Variants in GABRA3 observed in about 807,000 individuals in gnomAD.
The protein encoded by GABRA3 is gamma-aminobutyric acid type A receptor subunit alpha3, also known as gamma-aminobutyric acid receptor subunit alpha-3.
In GABRA3, 10 loss-of-function variants were observed where a neutral mutation model predicts 30.1. The observed-to-expected ratio is 0.33, with a 90% CI of 0.20 to 0.56. The LOEUF is 0.56. Ranked by LOEUF, GABRA3 falls within the 20% of genes least tolerant of loss-of-function variation. The pLI is 0.89. For synonymous variants in GABRA3, 151 were observed against 146.8 expected, an observed-to-expected ratio of 1.03 and a Z score of -0.21; for missense variants, 233 against 392.0, an observed-to-expected ratio of 0.59 and a Z score of 3.42.
intron 8 of GABRA3, among the ~76,000 whole-genome samples, chrX:152,190,521 C>CT (rs373150306): frequency 1.0e-4 from 11 of 106,785 alleles, no homozygotes; most frequent in South Asian, 4.0e-4. Context: ...TTTCTTTTTT[C>CT]TTTTTTTTTC....
At chrX:152,404,220 GT>G (rs971706793) in intron 1 of GABRA3, among the ~76,000 whole-genome samples, 1 of 111,446 alleles carries the variant, frequency 9.0e-6, no homozygotes, top group Non-Finnish European at 1.9e-5. Context: ...TTCCTCTCAA[GT>G]TTTTACAATT....
In GABRA3 at chrX:152,368,708, T is replaced by C. The variant is rs1487589593; in HGVS notation, c.-26-4112A>G. ...CTATTTTTAATTTTTTTTCTTTTTTTTTTTTTTTTTTTTTTGAGACAGAGT... is the reference window on the plus strand; with the variant it reads ...CTATTTTTAATTTTTTTTCTTTTTTCTTTTTTTTTTTTTTTGAGACAGAGT... On this transcript the variant is annotated intron_variant, in intron 1 of 9. Transcript: ENST00000370314. Among the ~76,000 whole-genome samples, 23 of 82,437 alleles carry C rather than the reference T, an allele frequency of 2.8e-4. No individual in the cohort carries two copies. The South Asian group carries it at 0.012, about 44-fold the overall frequency. The allele number at this position is 82,437 out of a possible 115,157, so 71.6% of individuals were successfully genotyped here.
At chrX:152,420,538 G>T (rs1015555222) in intron 1 of GABRA3, among the ~76,000 whole-genome samples, 2 of 110,770 alleles carry the variant, frequency 1.8e-5, no homozygotes, top group African/African-American at 3.3e-5. Flanking sequence ...TAAATGGACA[G>T]ATATATCATG....
At chrX:152,388,631 A>C (rs768843370) in intron 1 of GABRA3, among the ~76,000 whole-genome samples, 1 of 112,567 alleles carries the variant, frequency 8.9e-6, no homozygotes, top group South Asian at 3.6e-4. Flanking sequence ...TGTTTTCACC[A>C]ATAATATGAA....
At chrX:152,222,596 G>A (rs147208689) in intron 6 of GABRA3, among the ~76,000 whole-genome samples, 26 of 109,365 alleles carry the variant, frequency 2.4e-4, no homozygotes, top group Middle Eastern at 4.8e-3. Flanking sequence ...TAGGTCTCAT[G>A]GGCCTGCCTA....
At chrX:152,433,685 T>A (rs1388304299) in intron 1 of GABRA3, among the ~76,000 whole-genome samples, 1 of 68,501 alleles carries the variant, frequency 1.5e-5, no homozygotes, top group African/African-American at 6.0e-5. Flanking sequence ...CAGAATTCAA[T>A]GAAATAGAAT....
intron 1 of GABRA3, among the ~76,000 whole-genome samples, chrX:152,396,855 A>G (rs1405521807): frequency 2.7e-5 from 3 of 112,063 alleles, no homozygotes; most frequent in Non-Finnish European, 3.8e-5. Context: ...TATAACTAAC[A>G]TGCTTGAAAA....
intron 1 of GABRA3, among the ~76,000 whole-genome samples, chrX:152,445,329 T>A (rs950077014): frequency 2.7e-5 from 3 of 111,038 alleles, no homozygotes; most frequent in African/African-American, 9.8e-5. Context: ...CAGAATGAGA[T>A]AATCACCTTG....
intron 3 of GABRA3, among the ~76,000 whole-genome samples, chrX:152,324,969 G>C (rs1414839078): frequency 1.8e-5 from 2 of 111,768 alleles, no homozygotes; most frequent in Non-Finnish European, 1.9e-5. Flanking sequence ...TTTATTTTTA[G>C]GTTACATTAA....
chrX:152,380,663 G>C (rs1160541214), intron 1 of GABRA3, among the ~76,000 whole-genome samples: 1 of 111,595 alleles, frequency 9.0e-6, no homozygotes, highest in Non-Finnish European at 1.9e-5. Flanking sequence ...TTAGTTTTTT[G>C]AGGAACTTCT....
At chrX:152,256,078 C>A (rs1375275433) in intron 4 of GABRA3, 80 bp from the exon 5 acceptor site, 11 of 688,796 alleles carry the variant, frequency 1.6e-5, no homozygotes, top group Non-Finnish European at 2.5e-5. Flanking sequence ...ATATTAATTA[C>A]CTTGCAGTAT....
chrX:152,424,196 T>C (rs1930454615), intron 1 of GABRA3, among the ~76,000 whole-genome samples: 1 of 111,233 alleles, frequency 9.0e-6, no homozygotes, highest in South Asian at 3.8e-4. Context: ...TACCATCATC[T>C]ACCCAACTGC....
rs749833518 is a variant in GABRA3 at position 152,369,444 on chromosome X, A to AC, written c.-26-4849dup. Among the ~76,000 whole-genome samples the AC allele has an allele frequency of 3.0e-4, 33 of 109,360 alleles. No individual in the cohort carries two copies. In the South Asian group the frequency reaches 8.3e-3, roughly 28 times the overall value. 95.0% of individuals were successfully genotyped at this position (109,360 alleles called of 115,157 possible). ...TAGCTGGCTAGTCTCATCCCCTACT[A>AC]CCCTCCCGTCTCACACACTCCACTT... On this transcript the variant is annotated intron_variant, in intron 1 of 9. Coordinates refer to ENST00000370314, the MANE Select transcript of GABRA3 (RefSeq NM_000808.4).
chrX:152,186,637 T>C (rs1353085845), intron 9 of GABRA3, among the ~76,000 whole-genome samples: 2 of 108,813 alleles, frequency 1.8e-5, no homozygotes, highest in African/African-American at 3.4e-5. Context: ...TTCTTTTTTT[T>C]ATTTGACAGC....
intron 4 of GABRA3, among the ~76,000 whole-genome samples, chrX:152,281,005 T>C (rs1939189803): frequency 9.0e-6 from 1 of 111,171 alleles, no homozygotes; most frequent in Admixed American, 9.7e-5. Flanking sequence ...ACCTCTGACA[T>C]GCTCAGGGAC....
At chrX:152,206,783 G>A (rs1292453530) in intron 7 of GABRA3, among the ~76,000 whole-genome samples, 1 of 111,818 alleles carries the variant, frequency 8.9e-6, no homozygotes. Flanking sequence ...ACTGGAAGGA[G>A]GGAATTCTTC....
intron 4 of GABRA3, among the ~76,000 whole-genome samples, chrX:152,271,693 T>C (rs1341431773): frequency 1.8e-5 from 2 of 112,246 alleles, no homozygotes; most frequent in Non-Finnish European, 3.8e-5. Context: ...GAGACCTTTA[T>C]GGCAGCCCCT....
intron 1 of GABRA3, among the ~76,000 whole-genome samples, chrX:152,365,774 C>T (rs750534143): frequency 4.1e-4 from 46 of 111,238 alleles, no homozygotes; most frequent in Admixed American, 2.8e-3. Context: ...TCACCCCACA[C>T]GCCTCAAAAA....
At chrX:152,259,197 G>T (rs980810814) in intron 4 of GABRA3, among the ~76,000 whole-genome samples, 1 of 112,029 alleles carries the variant, frequency 8.9e-6, no homozygotes, top group Non-Finnish European at 1.9e-5. Flanking sequence ...AGCCAGAGGG[G>T]AATCACTGAT....
Sources: allele counts gnomAD v4.1 joint callset (sites outside exome capture counted in the v4.1 genomes callset), GRCh38; gene constraint gnomAD v4.1.1; transcripts MANE v1.5; gene names NCBI Gene and HGNC (gene_info 2026-07-23, HGNC 2026-07-21).